The following CYFIP1 variants were observed in gnomAD, a reference collection of about 807,000 sequenced individuals.
The protein encoded by CYFIP1 is cytoplasmic FMR1 interacting protein 1, also known as cytoplasmic FMR1-interacting protein 1.
A neutral mutation model predicts 163.5 loss-of-function variants in CYFIP1; 58 were observed. The observed-to-expected ratio is 0.35, with a 90% CI of 0.29 to 0.44. CYFIP1 has a LOEUF of 0.44. CYFIP1 is among the 20% of genes least tolerant of loss of function. The probability of loss-of-function intolerance (pLI) is 1.00; values close to 1 mark genes in which losing one functional copy is unlikely to be tolerated. For synonymous variants in CYFIP1, 663 were observed against 660.7 expected, an observed-to-expected ratio of 1.00 and a Z score of -0.05; for missense variants, 1,338 against 1,653.8, an observed-to-expected ratio of 0.81 and a Z score of 3.31.
intron 22 of CYFIP1, among the ~76,000 whole-genome samples, chr15:22,895,644 A>G (rs914618048): frequency 2.0e-5 from 3 of 152,162 alleles, no homozygotes; most frequent in Non-Finnish European, 4.4e-5. Context: ...AGATGACTCA[A>G]CATGGGGCTG....
In CYFIP1 at chr15:22,910,538, C is replaced by T; in HGVS notation, c.2250G>A (p.Leu750=). Residue 750 remains leucine (L), a synonymous_variant, in exon 20 of 31, where the codon CTG becomes CTA. Coordinates refer to ENST00000617928, the MANE Select transcript of CYFIP1 (RefSeq NM_014608.6). ...AGCTCACCTGCACATGCCTCTGCTT[C>T]AGCAGCGTCTCGTAGCGGTTAGACG... The part of the protein sequence containing the change: ...LPPSNRYETL[L]KQRHVQLLGR... The T allele has an allele frequency of 6.2e-7, 1 of 1,613,942 alleles. No homozygotes were observed. Among genetic ancestry groups the T allele is most frequent in the South Asian group, 1.1e-5 (1 of 91,086 alleles).
intron 1 of CYFIP1, among the ~76,000 whole-genome samples, chr15:22,966,173 A>G (rs1474411316): frequency 2.0e-5 from 3 of 149,948 alleles, no homozygotes; most frequent in Non-Finnish European, 3.0e-5. Context: ...ACATGGAGAA[A>G]CCCCGTCTCT....
intron 20 of CYFIP1, 52 bp downstream of exon 20, chr15:22,910,468 A>G: frequency 2.0e-6 from 3 of 1,494,942 alleles, no homozygotes; most frequent in Non-Finnish European, 2.8e-6. Flanking sequence ...CCGAAAACCC[A>G]GTCTTTTCAA....
intron 1 of CYFIP1, among the ~76,000 whole-genome samples, chr15:22,972,702 C>G (rs188866519): frequency 3.3e-4 from 50 of 152,240 alleles, no homozygotes; most frequent in Non-Finnish European, 5.9e-4. Context: ...AGACAAAAAT[C>G]AACCCGAAAT....
chr15:22,878,305 A>G (rs2059642934), intron 26 of CYFIP1, among the ~76,000 whole-genome samples: 1 of 152,156 alleles, frequency 6.6e-6, no homozygotes. Context: ...TAGAGCAACG[A>G]TGAGCAAGAC....
In CYFIP1 at chr15:22,879,408, G is replaced by A. The variant is rs1453954092; in HGVS notation, c.3042+505C>T. ...AAACACGAGGCGTCCACTGTGCCAC[G>A]TCCTAAGAGGGGGTGGGCTCCCGGG... On this transcript the variant is annotated intron_variant, in intron 26 of 30. Coordinates refer to ENST00000617928, the MANE Select transcript of CYFIP1 (RefSeq NM_014608.6). Among the ~76,000 whole-genome samples the A allele has an allele frequency of 5.3e-5, 8 of 152,162 alleles. No homozygotes were observed. The South Asian group carries it at 1.0e-3, about 20-fold the overall frequency.
At chr15:22,968,349 T>C (rs7164493) in intron 1 of CYFIP1, among the ~76,000 whole-genome samples, 2,781 of 152,160 alleles carry the variant, frequency 0.018, 74 homozygotes, top group East Asian at 0.11. Context: ...TTACCCTCCA[T>C]AATTTGGGTG....
At chr15:22,909,485 C>G (rs1357255432) in intron 20 of CYFIP1, among the ~76,000 whole-genome samples, 172 bp from the exon 21 acceptor site, 1 of 152,182 alleles carries the variant, frequency 6.6e-6, no homozygotes, top group Non-Finnish European at 1.5e-5. Flanking sequence ...TGTCTTTTTA[C>G]AGGTGTTATG....
rs539988106 is a variant in CYFIP1, at chr15:22,968,470, A to G, written c.-7+11817T>C. 3.9e-5 allele frequency among the ~76,000 whole-genome samples: 6 copies of G among 152,304 alleles called. No individual in the cohort carries two copies. The South Asian group carries it at 1.2e-3, about 32-fold the overall frequency. On this transcript the variant is annotated intron_variant, in intron 1 of 30. Transcript: ENST00000617928. ...AACATCAGCTTTTCCCCGGGTCTTT[A>G]GCCTATGGGCCTGCCTTGCAAACGC...
chr15:22,970,745 A>T (rs1366077671), intron 1 of CYFIP1, among the ~76,000 whole-genome samples: 2 of 152,212 alleles, frequency 1.3e-5, no homozygotes, highest in Admixed American at 1.3e-4. Context: ...CCACACATAC[A>T]TGAATTATGT....
intron 25 of CYFIP1, 97 bp downstream of exon 25, chr15:22,881,749 C>T (rs2059769470): frequency 8.4e-7 from 1 of 1,192,646 alleles, no homozygotes; most frequent in Admixed American, 2.0e-5. Context: ...TGCCTCTTCC[C>T]ACATGGCAAA....
At chr15:22,971,493 A>G (rs116583527) in intron 1 of CYFIP1, among the ~76,000 whole-genome samples, 1,791 of 152,194 alleles carry the variant, frequency 0.012, 36 homozygotes, top group African/African-American at 0.041. Context: ...ACCACCATGC[A>G]GAAACCCTAT....
intron 6 of CYFIP1, among the ~76,000 whole-genome samples, chr15:22,940,861 G>A (rs2061873107): frequency 6.6e-6 from 1 of 152,114 alleles, no homozygotes; most frequent in Non-Finnish European, 1.5e-5. Flanking sequence ...CCAACATGGT[G>A]AAACCCCATC....
intron 1 of CYFIP1, among the ~76,000 whole-genome samples, chr15:22,971,601 G>A (rs1045531169): frequency 2.0e-5 from 3 of 151,830 alleles, no homozygotes; most frequent in African/African-American, 4.8e-5. Context: ...GCTTGAACAC[G>A]GGAGGCAGAG....
At chr15:22,874,403 G>A (rs1416168377) in intron 28 of CYFIP1, 147 bp downstream of exon 28, 10 of 569,536 alleles carry the variant, frequency 1.8e-5, no homozygotes, top group Non-Finnish European at 3.1e-5. Context: ...CAGTCCTGGT[G>A]CACACCCCAC....
intron 6 of CYFIP1, 35 bp downstream of exon 6, chr15:22,943,138 C>T (rs778957087): frequency 7.5e-6 from 12 of 1,603,640 alleles, no homozygotes; most frequent in Non-Finnish European, 6.8e-6. Flanking sequence ...TGGGTGCTCT[C>T]GGGAGGGCCC....
At chr15:22,899,182 G>C (rs1329195036) in intron 22 of CYFIP1, among the ~76,000 whole-genome samples, 1 of 151,958 alleles carries the variant, frequency 6.6e-6, no homozygotes, top group Non-Finnish European at 1.5e-5. Flanking sequence ...TTTTGGAAAT[G>C]AGCAAATGAG....
intron 11 of CYFIP1, 116 bp from the exon 12 acceptor site, chr15:22,928,144 A>G: frequency 8.0e-7 from 1 of 1,249,452 alleles, no homozygotes; most frequent in Non-Finnish European, 1.1e-6. Flanking sequence ...TAAGAAATGC[A>G]GGAGGCCAAG....
intron 23 of CYFIP1, among the ~76,000 whole-genome samples, chr15:22,891,799 G>A (rs574956868): frequency 3.9e-5 from 6 of 152,350 alleles, no homozygotes; most frequent in Admixed American, 2.0e-4. Flanking sequence ...AGAAGATCTC[G>A]CTCTGAAGAA....
Sources: gnomAD v4.1 joint callset for allele counts (sites outside exome capture counted in the v4.1 genomes callset) on GRCh38, gnomAD v4.1.1 for gene constraint, MANE v1.5 for transcripts, NCBI Gene and HGNC (gene_info 2026-07-23, HGNC 2026-07-21) for gene names.